The following PCDHA1 variants were observed in gnomAD, a reference collection of about 807,000 sequenced individuals.
PCDHA1 encodes the protein protocadherin alpha 1, also known as protocadherin alpha-1.
A neutral mutation model predicts 61.3 loss-of-function variants in PCDHA1; 42 were observed. The ratio of observed to expected loss-of-function variants is 0.69; its 90% confidence interval spans 0.54 to 0.89. The LOEUF is 0.89. PCDHA1 is among the 40% of genes least tolerant of loss of function. PCDHA1 has a pLI of 0.00. For missense variants in PCDHA1, 1,256 were observed against 1,235.3 expected (o/e 1.02, Z -0.25); for synonymous variants, 610 against 553.8 (o/e 1.10, Z -1.43).
chr5:140,863,464 C>A, intron 1 of PCDHA1: 1 of 512,348 alleles, frequency 2.0e-6, no homozygotes, highest in South Asian at 1.5e-5. Context: ...AGATTTTACT[C>A]TGGAGAGTCG....
chr5:141,009,449 A>T, intron 3 of PCDHA1, among the ~76,000 whole-genome samples, 178 bp from the exon 4 acceptor site: 1 of 152,184 alleles, frequency 6.6e-6, no homozygotes, highest in Non-Finnish European at 1.5e-5. Context: ...GTCTCAAAAA[A>T]ATTAAACAAA....
chr5:140,825,260 A>G (rs1768492888), intron 1 of PCDHA1: 1 of 151,070 alleles, frequency 6.6e-6, no homozygotes, highest in African/African-American at 2.4e-5. Flanking sequence ...TTGTGTAGGT[A>G]TGTGATTGGT....
At chr5:140,859,490 G>A (rs2045887766) in intron 1 of PCDHA1, 1 of 204,502 alleles carries the variant, frequency 4.9e-6, no homozygotes, top group Non-Finnish European at 9.6e-6. Context: ...CCTGAAATTG[G>A]TTGTTACCTG....
intron 1 of PCDHA1, chr5:140,824,095 A>G (rs2150132128): frequency 6.2e-7 from 1 of 1,614,170 alleles, no homozygotes; most frequent in Non-Finnish European, 8.5e-7. Context: ...CTTCAGTCCA[A>G]GCCTTCCTCA....
chr5:140,908,754 A>C (rs1403008536), intron 1 of PCDHA1, among the ~76,000 whole-genome samples: 1 of 152,184 alleles, frequency 6.6e-6, no homozygotes, highest in Non-Finnish European at 1.5e-5. Context: ...ACTTGCACAC[A>C]GCCTGGACGT....
chr5:140,913,384 C>G (rs1018271300), intron 1 of PCDHA1, among the ~76,000 whole-genome samples: 1 of 152,144 alleles, frequency 6.6e-6, no homozygotes, highest in Non-Finnish European at 1.5e-5. Flanking sequence ...AGTGGCTCAT[C>G]ATAGCCACTA....
At chr5:140,856,659 A>C in intron 1 of PCDHA1, 1 of 1,598,186 alleles carries the variant, frequency 6.3e-7, no homozygotes, top group Non-Finnish European at 8.6e-7. Context: ...CGTGAAGAAA[A>C]TCCTCAGCTA....
At chr5:140,898,400 C>T (rs1374307667) in intron 1 of PCDHA1, among the ~76,000 whole-genome samples, 1 of 152,178 alleles carries the variant, frequency 6.6e-6, no homozygotes, top group Non-Finnish European at 1.5e-5. Flanking sequence ...TTTCAGCTTT[C>T]TACATACGGC....
At chr5:141,000,011 C>T (rs548995159) in intron 3 of PCDHA1, among the ~76,000 whole-genome samples, 1 of 152,166 alleles carries the variant, frequency 6.6e-6, no homozygotes, top group East Asian at 1.9e-4. Flanking sequence ...TTGGCCTCCC[C>T]ATTGCTAAGC....
At chr5:140,840,654 A>T (rs17119241) in intron 1 of PCDHA1, among the ~76,000 whole-genome samples, 31,454 of 151,946 alleles carry the variant, frequency 0.21, 4,191 homozygotes, top group African/African-American at 0.36. Flanking sequence ...AGTGTAAAGA[A>T]TATGCACATA....
chr5:140,940,485 ACAAGT>A (rs1554213400), intron 1 of PCDHA1, among the ~76,000 whole-genome samples: 1 of 151,718 alleles, frequency 6.6e-6, no homozygotes, highest in African/African-American at 2.4e-5. Flanking sequence ...TTTTTTCAAG[ACAAGT>A]CTTGCTCCGT....
intron 1 of PCDHA1, among the ~76,000 whole-genome samples, chr5:140,917,330 A>AGGGGGGGGGGG (rs1425400137): frequency 9.7e-6 from 1 of 103,190 alleles, no homozygotes. Flanking sequence ...GTGGCGGGGG[A>AGGGGGGGGGGG]GGGGGGGGAT....
intron 3 of PCDHA1, among the ~76,000 whole-genome samples, chr5:141,008,498 T>G (rs2098379874): frequency 6.6e-6 from 1 of 152,158 alleles, no homozygotes. Context: ...CTGGTATACT[T>G]TATGGTGTGT....
rs782152702 is a variant in PCDHA1, at chr5:140,797,217, G to A, written c.2394+8533G>A. ...GCGCCGTGGGGAGCTGGTCTTACTC[G>A]CAGCAGAGGCGGCAGAGGGTGTGCT... On this transcript the variant is annotated intron_variant, in intron 1 of 3. Coordinates refer to ENST00000504120, the MANE Select transcript of PCDHA1 (RefSeq NM_018900.4). 2.5e-6 allele frequency: 4 copies of A among 1,614,080 alleles called. No homozygotes were observed. The East Asian group carries it at 6.7e-5, about 27-fold the overall frequency.
chr5:140,880,449 T>G (rs2058348423), intron 1 of PCDHA1, among the ~76,000 whole-genome samples: 1 of 152,024 alleles, frequency 6.6e-6, no homozygotes. Flanking sequence ...TAGTAGAAAA[T>G]GAAAACAGAT....
Position 140,829,342 on chromosome 5 carries a change from C to A in PCDHA1, c.2394+40658C>A, listed in dbSNP as rs17844302. On this transcript the variant is annotated intron_variant, in intron 1 of 3. Transcript: ENST00000504120. Reference sequence around the variant, plus strand: ...TGGACAGTGCCCTGGACCGCGAGAGCGTGTCGGCCTATGAGTTGGTGGTAA... The same window carrying A: ...TGGACAGTGCCCTGGACCGCGAGAGAGTGTCGGCCTATGAGTTGGTGGTAA... The A allele has an allele frequency of 4.1e-3, 6,559 of 1,614,192 alleles. 207 individuals carry two copies. In the African/African-American group the frequency reaches 0.072, roughly 18 times the overall value.
intron 1 of PCDHA1, chr5:140,930,486 G>T (rs1211564539): frequency 6.6e-6 from 1 of 152,320 alleles, no homozygotes; most frequent in Non-Finnish European, 1.5e-5. Flanking sequence ...GCCTCCCAAA[G>T]TGCTGGGATT....
rs2150317144 is a variant in PCDHA1 at position 140,841,514 on chromosome 5, CG to C, written c.2394+52833del. ...GGCGGAGCTGGTGCCGCGCCTGTTC[CG>C]GGTGGCGTCCAAAAGACACCGGGAC... On this transcript the variant is annotated intron_variant, in intron 1 of 3. Transcript: ENST00000504120. 3,465 of 1,613,482 alleles carry C rather than the reference CG, an allele frequency of 2.1e-3. 25 individuals carry two copies. Among genetic ancestry groups the C allele is most frequent in the Non-Finnish European group, 2.6e-3 (3,065 of 1,179,942 alleles).
intron 1 of PCDHA1, chr5:140,827,833 A>G (rs1769423756): frequency 4.6e-6 from 2 of 432,110 alleles, no homozygotes; most frequent in Non-Finnish European, 8.0e-6. Context: ...AAAGTAGAGA[A>G]AAGAAGATAC....
Sources: allele counts gnomAD v4.1 joint callset (sites outside exome capture counted in the v4.1 genomes callset), GRCh38; gene constraint gnomAD v4.1.1; transcripts MANE v1.5; gene names NCBI Gene and HGNC (gene_info 2026-07-23, HGNC 2026-07-21).